OR2L13: variants seen among roughly 807,000 people sequenced by gnomAD.
OR2L13 encodes olfactory receptor 2L13.
In OR2L13, 14 loss-of-function variants were observed where a neutral mutation model predicts 15.3. The observed-to-expected ratio is 0.91, with a 90% CI of 0.60 to 1.43. The LOEUF is 1.43. Among genes scored for constraint, OR2L13 ranks in the 40% most tolerant of loss-of-function variants. OR2L13 has a pLI of 0.00. For missense variants in OR2L13, 367 were observed against 387.9 expected, an observed-to-expected ratio of 0.95 and a Z score of 0.45; for synonymous variants, 152 against 142.9, an observed-to-expected ratio of 1.06 and a Z score of -0.45.
the OR2L13 span, among the ~76,000 whole-genome samples, chr1:248,036,532 T>C: frequency 2.6e-5 from 4 of 151,912 alleles, no homozygotes; most frequent in Admixed American, 1.3e-4. Flanking sequence ...GTGTTCATCT[T>C]TGTGTGTGTG....
At chr1:247,981,090 G>A in the OR2L13 span, among the ~76,000 whole-genome samples, 1 of 152,204 alleles carries the variant, frequency 6.6e-6, no homozygotes, top group African/African-American at 2.4e-5. Context: ...AAATCCTGGA[G>A]TATAGAATGC....
chr1:247,966,777 G>A, the OR2L13 span, among the ~76,000 whole-genome samples: 3 of 152,050 alleles, frequency 2.0e-5, no homozygotes, highest in South Asian at 2.1e-4. Context: ...TTTTCCTTTC[G>A]TGGTTTTCAT....
the OR2L13 span, chr1:248,039,090 G>A: frequency 1.2e-6 from 2 of 1,614,072 alleles, no homozygotes; most frequent in East Asian, 4.5e-5. Flanking sequence ...GATTCTGGCT[G>A]TTTTCTACAC....
the OR2L13 span, among the ~76,000 whole-genome samples, chr1:248,066,320 TCA>T: frequency 6.6e-6 from 1 of 152,218 alleles, no homozygotes; most frequent in Admixed American, 6.5e-5. Flanking sequence ...GCAAAAAAAC[TCA>T]CAGAGGATAT....
At chr1:247,968,682 T>A in the OR2L13 span, among the ~76,000 whole-genome samples, 5 of 152,260 alleles carry the variant, frequency 3.3e-5, no homozygotes, top group Non-Finnish European at 7.3e-5. Context: ...ACGCATCCTT[T>A]TTTATGGCTG....
the OR2L13 span, chr1:247,949,907 A>C: frequency 1.7e-5 from 12 of 703,154 alleles, no homozygotes; most frequent in East Asian, 3.4e-4. Context: ...TAACCAACGG[A>C]AGAAGAAAAT....
the OR2L13 span, among the ~76,000 whole-genome samples, chr1:248,034,254 A>G: frequency 1.3e-5 from 2 of 152,182 alleles, no homozygotes; most frequent in African/African-American, 2.4e-5. Flanking sequence ...TACAAATTCA[A>G]TGTAATTCCC....
chr1:248,017,863 GGTAGA>G, the OR2L13 span, among the ~76,000 whole-genome samples: 10 of 152,238 alleles, frequency 6.6e-5, no homozygotes, highest in East Asian at 3.9e-4. Flanking sequence ...GTGTCTGGTG[GGTAGA>G]GTAAAGGATA....
chr1:247,984,282 G>A, the OR2L13 span, among the ~76,000 whole-genome samples: 1 of 151,258 alleles, frequency 6.6e-6, no homozygotes, highest in Non-Finnish European at 1.5e-5. Context: ...CAGTTAAAAC[G>A]TGGCATTAAA....
At position 248,099,661 on chromosome 1, in the gene OR2L13, T is replaced by C. The variant is rs1474934543; in HGVS notation, c.286T>C (p.Cys96Arg). 1 of 1,614,174 alleles carries C rather than the reference T, an allele frequency of 6.2e-7. No homozygotes were observed. The highest frequency in any genetic ancestry group is 1.3e-5 in the African/African-American group (1 of 75,040). The stretch of plus-strand genomic sequence containing the variant: ...CCAGAAAGGCATCTCCTTCCTGGGA[T>C]GTGGTGTGCAAAGCTTCTTCTTCCT... Residue 96 changes from cysteine to arginine, a missense_variant, in exon 3 of 3, where the codon TGT (cysteine) becomes CGT (arginine). Coordinates refer to ENST00000641714, the Ensembl canonical transcript of OR2L13.
At chr1:248,091,833 A>G (rs776448806), upstream of OR2L13, among the ~76,000 whole-genome samples, 1 of 152,132 alleles carries the variant, frequency 6.6e-6, no homozygotes, top group Non-Finnish European at 1.5e-5. Context: ...GAGGAATGTC[A>G]TTGATAGTTT....
the OR2L13 span, among the ~76,000 whole-genome samples, chr1:248,051,034 T>C: frequency 5.3e-5 from 8 of 152,200 alleles, no homozygotes; most frequent in Non-Finnish European, 1.0e-4. Flanking sequence ...ATTTTAACCA[T>C]TTTAAGTGTA....
chr1:248,073,927 A>T, the OR2L13 span, among the ~76,000 whole-genome samples: 2 of 151,908 alleles, frequency 1.3e-5, no homozygotes, highest in African/African-American at 2.4e-5. Context: ...GAAGTATATA[A>T]TTTTTTTGTA....
chr1:247,977,852 C>A, the OR2L13 span, among the ~76,000 whole-genome samples: 1 of 152,290 alleles, frequency 6.6e-6, no homozygotes, highest in South Asian at 2.1e-4. Context: ...TGACTCAGTG[C>A]AGGATGCAGC....
the OR2L13 span, among the ~76,000 whole-genome samples, chr1:248,012,035 A>G: frequency 3.9e-5 from 6 of 152,322 alleles, no homozygotes; most frequent in Admixed American, 3.9e-4. Context: ...GTAGACATTT[A>G]AAAATATAAA....
chr1:248,010,583 A>G, the OR2L13 span, among the ~76,000 whole-genome samples: 5 of 151,514 alleles, frequency 3.3e-5, no homozygotes, highest in African/African-American at 1.2e-4. Context: ...GGTCTCTAAG[A>G]ACTTGCTTTA....
chr1:248,052,709 C>A, the OR2L13 span, among the ~76,000 whole-genome samples: 11 of 151,692 alleles, frequency 7.3e-5, no homozygotes, highest in African/African-American at 2.4e-4. Flanking sequence ...CCAGCCTGGG[C>A]GACAGAGTGA....
At chr1:248,099,616 G>C in exon 3 of OR2L13, 1 of 1,613,958 alleles carries the variant, frequency 6.2e-7, no homozygotes, top group Middle Eastern at 1.6e-4. Flanking sequence ...CCCCAAGATG[G>C]CGTACAACTT....
the OR2L13 span, among the ~76,000 whole-genome samples, chr1:247,963,821 T>C: frequency 3.3e-5 from 5 of 152,146 alleles, no homozygotes; most frequent in African/African-American, 1.2e-4. Flanking sequence ...TATATGACCA[T>C]ATATTATTTT....
Sources: allele counts gnomAD v4.1 joint callset (sites outside exome capture counted in the v4.1 genomes callset), GRCh38; gene constraint gnomAD v4.1.1; transcripts MANE v1.5; gene names NCBI Gene and HGNC (gene_info 2026-07-23, HGNC 2026-07-21).